The following CCDC69 variants were observed in gnomAD, a reference collection of about 807,000 sequenced individuals.
CCDC69 encodes coiled-coil domain-containing protein 69.
In CCDC69, 38 loss-of-function variants were observed where a neutral mutation model predicts 40.3. The observed-to-expected ratio is 0.94, with a 90% confidence interval of 0.73 to 1.24. CCDC69 has a LOEUF of 1.24. CCDC69 is among the 50% of genes most tolerant of loss of function. CCDC69 has a pLI of 0.00. For missense variants in CCDC69, 389 were observed against 357.9 expected, an observed-to-expected ratio of 1.09 and a Z score of -0.70; for synonymous variants, 141 against 138.9, an observed-to-expected ratio of 1.02 and a Z score of -0.11.
At chr5:151,208,384 G>A (rs1302427745) in intron 1 of CCDC69, among the ~76,000 whole-genome samples, 2 of 152,222 alleles carry the variant, frequency 1.3e-5, no homozygotes, top group African/African-American at 4.8e-5. Flanking sequence ...ACTGGGGAGG[G>A]AAGATGTATC....
chr5:151,202,347 C>A (rs570274327), intron 2 of CCDC69, among the ~76,000 whole-genome samples: 1 of 152,088 alleles, frequency 6.6e-6, no homozygotes, highest in Non-Finnish European at 1.5e-5. Flanking sequence ...CGCAACAGAG[C>A]GAGATCCTGT....
intron 1 of CCDC69, 111 bp from the exon 2 acceptor site, chr5:151,205,586 C>A (rs1345144452): frequency 2.4e-6 from 2 of 847,992 alleles, no homozygotes; most frequent in Non-Finnish European, 3.9e-6. Flanking sequence ...TTCAGTTACA[C>A]CAGACCCTGC....
At chr5:151,191,169 T>C (rs1404995221) in intron 4 of CCDC69, among the ~76,000 whole-genome samples, 2 of 150,390 alleles carry the variant, frequency 1.3e-5, no homozygotes, top group Non-Finnish European at 3.0e-5. Context: ...ATGTTATAGG[T>C]AGGTAATAAG....
chr5:151,195,831 T>G (rs1339682988), intron 4 of CCDC69, among the ~76,000 whole-genome samples: 1 of 152,030 alleles, frequency 6.6e-6, no homozygotes, highest in Admixed American at 6.6e-5. Flanking sequence ...TTAATTCCAT[T>G]TCACAATGTT....
In CCDC69 at chr5:151,198,295, T is replaced by TATCTATCTATCTATCC. The variant is rs1265107224; in HGVS notation, c.319+701_319+702insGGATAGATAGATAGAT. Reference sequence around the variant, plus strand: ...GGAGCTCTAGAGAATGAGATTGATCTATCTATCTATCTATCTATCTATCTA... The same window carrying TATCTATCTATCTATCC: ...GGAGCTCTAGAGAATGAGATTGATCTATCTATCTATCTATCCATCTATCTATCTATCTATCTATCTA... On this transcript the variant is annotated intron_variant, in intron 4 of 8. Coordinates refer to ENST00000355417, the MANE Select transcript of CCDC69 (RefSeq NM_015621.3). Among the ~76,000 whole-genome samples the TATCTATCTATCTATCC allele has an allele frequency of 3.4e-3, 183 of 53,930 alleles. 1 individual carries two copies. The highest frequency in any genetic ancestry group is 0.015 in the African/African-American group (176 of 11,876). 35.4% of individuals were successfully genotyped at this position (53,930 alleles called of 152,430 possible).
intron 3 of CCDC69, 150 bp downstream of exon 3, chr5:151,201,432 T>A (rs1752774426): frequency 1.8e-6 from 1 of 543,162 alleles, no homozygotes; most frequent in Non-Finnish European, 3.3e-6. Flanking sequence ...GATAAAAATA[T>A]GTGTTCAACA....
chr5:151,185,902 G>T, intron 6 of CCDC69, 121 bp downstream of exon 6: 1 of 717,478 alleles, frequency 1.4e-6, no homozygotes, highest in Non-Finnish European at 2.5e-6. Context: ...CCAGGCCCTT[G>T]TGTAGGTAAG....
intron 1 of CCDC69, among the ~76,000 whole-genome samples, chr5:151,208,557 C>T (rs1752885581): frequency 6.6e-6 from 1 of 152,238 alleles, no homozygotes; most frequent in Non-Finnish European, 1.5e-5. Flanking sequence ...TTAGCTCCCC[C>T]ACCACCCTGG....
At chr5:151,185,256 C>G in intron 7 of CCDC69, 166 bp downstream of exon 7, 1 of 683,608 alleles carries the variant, frequency 1.5e-6, no homozygotes, top group Non-Finnish European at 2.5e-6. Context: ...CTTGACCCAG[C>G]CTGGCCACAG....
chr5:151,198,708 C>T, intron 4 of CCDC69: 2 of 336,768 alleles, frequency 5.9e-6, no homozygotes, highest in Non-Finnish European at 1.1e-5. Flanking sequence ...TTCTATTTGT[C>T]TGGGTTTTCC....
At position 151,183,161 on chromosome 5, in the gene CCDC69, T is replaced by C; in HGVS notation, c.*276A>G. On this transcript the variant is annotated 3_prime_UTR_variant, in exon 9 of 9. Transcript: ENST00000355417. ...TGGGAAAGCCTCGGAACTTCTCGGA[T>C]TGGGACAGAGTGCTGGGGCAGGGAG... 1 of 595,230 alleles carries C rather than the reference T, an allele frequency of 1.7e-6. No individual in the cohort carries two copies. Among genetic ancestry groups the C allele is most frequent in the Non-Finnish European group, 3.2e-6 (1 of 317,240 alleles). The allele number at this position is 595,230 out of a possible 1,614,324, so 36.9% of individuals were successfully genotyped here.
intron 1 of CCDC69, among the ~76,000 whole-genome samples, chr5:151,207,100 G>T (rs1236687773): frequency 6.6e-6 from 1 of 151,890 alleles, no homozygotes; most frequent in Non-Finnish European, 1.5e-5. Context: ...TGTATTTTTA[G>T]TAGAGATGGG....
intron 3 of CCDC69, 92 bp from the exon 4 acceptor site, chr5:151,199,176 G>T: frequency 9.8e-7 from 1 of 1,023,294 alleles, no homozygotes; most frequent in South Asian, 1.3e-5. Context: ...GGAACTTGGT[G>T]ACCAGAGTCC....
Position 151,183,106 on chromosome 5 carries a change from T to A in CCDC69, c.*331A>T, listed in dbSNP as rs1263729175. The A allele has an allele frequency of 5.9e-6, 3 of 505,108 alleles. No individual in the cohort carries two copies. Among genetic ancestry groups the A allele is most frequent in the Non-Finnish European group, 1.2e-5 (3 of 259,862 alleles). 31.3% of individuals were successfully genotyped at this position (505,108 alleles called of 1,614,324 possible). On this transcript the variant is annotated 3_prime_UTR_variant, in exon 9 of 9. Coordinates refer to ENST00000355417, the MANE Select transcript of CCDC69 (RefSeq NM_015621.3). ...GGGACCAGGGGCTGTCTCCTTTATG[T>A]CAAATGGCCAGCGTGACACAGACTG...
At chr5:151,199,649 T>C (rs2113992742) in intron 3 of CCDC69, among the ~76,000 whole-genome samples, 1 of 152,230 alleles carries the variant, frequency 6.6e-6, no homozygotes, top group Middle Eastern at 3.4e-3. Context: ...AGGCAAGGCA[T>C]GACTTAAATT....
At chr5:151,210,380 T>C (rs1752928531) in intron 1 of CCDC69, among the ~76,000 whole-genome samples, 1 of 151,682 alleles carries the variant, frequency 6.6e-6, no homozygotes, top group South Asian at 2.1e-4. Flanking sequence ...CCGTCTCTAC[T>C]AAAAATACAA....
At chr5:151,221,348 A>G (rs1753131745) in intron 1 of CCDC69, among the ~76,000 whole-genome samples, 1 of 152,232 alleles carries the variant, frequency 6.6e-6, no homozygotes, top group Non-Finnish European at 1.5e-5. Flanking sequence ...TCAGTGGCTC[A>G]GCCTTTGCTT....
chr5:151,186,087 A>G lies in CCDC69; in HGVS notation c.431T>C (p.Phe144Ser), dbSNP rs1752506341. The G allele has an allele frequency of 6.2e-7, 1 of 1,613,932 alleles. No individual in the cohort carries two copies. The highest frequency in any genetic ancestry group is 8.5e-7 in the Non-Finnish European group (1 of 1,179,974). The stretch of plus-strand genomic sequence containing the variant: ...CTCCACCCTCTTCATTTTGGCCTGG[A>G]AAGCCTCCAGCTGTGAGGTCAGTCT... ...IDRLTSQLEA[F>S]QAKMKRVEES... The change falls in exon 6 of 9, where the codon TTC becomes TCC. Residue 144 changes from phenylalanine to serine, a missense_variant. Physicochemically the swap from Phe to Ser is radical, Grantham distance 155 (BLOSUM62 -2). Transcript: ENST00000355417.
chr5:151,187,267 C>T (rs1175076409), intron 5 of CCDC69, 119 bp downstream of exon 5: 2 of 796,454 alleles, frequency 2.5e-6, no homozygotes, highest in Admixed American at 2.1e-5. Flanking sequence ...AGGCAATCAC[C>T]TCAGCCCCTC....
Sources: gnomAD v4.1 joint callset for allele counts (sites outside exome capture counted in the v4.1 genomes callset) on GRCh38, gnomAD v4.1.1 for gene constraint, MANE v1.5 for transcripts, NCBI Gene and HGNC (gene_info 2026-07-23, HGNC 2026-07-21) for gene names.